USP25: variants seen among roughly 807,000 people sequenced by gnomAD.
USP25 encodes ubiquitin specific peptidase 25, also known as ubiquitin carboxyl-terminal hydrolase 25.
A neutral mutation model predicts 158.5 loss-of-function variants in USP25; 85 were observed. The ratio of observed to expected loss-of-function variants is 0.54; its 90% CI spans 0.45 to 0.64. The LOEUF is 0.64. USP25 is among the 30% of genes least tolerant of loss of function. The pLI is 0.00. For synonymous variants in USP25, 464 were observed against 460.4 expected (o/e 1.01, Z -0.10); for missense variants, 1,242 against 1,327.3 (o/e 0.94, Z 1.00).
intron 14 of USP25, among the ~76,000 whole-genome samples, chr21:15,827,901 C>T (rs2037606231): frequency 6.6e-6 from 1 of 150,602 alleles, no homozygotes; most frequent in African/African-American, 2.4e-5. Flanking sequence ...CTGAACTTTT[C>T]TCTTTCCTAC....
At chr21:15,864,204 T>G in intron 20 of USP25, 64 bp from the exon 21 acceptor site, 2 of 1,445,538 alleles carry the variant, frequency 1.4e-6, no homozygotes, top group Non-Finnish European at 9.4e-7. Context: ...AAACTCATAA[T>G]ATTGAAGGAT....
intron 1 of USP25, 78 bp from the exon 2 acceptor site, chr21:15,762,813 C>G (rs963159117): frequency 1.5e-6 from 2 of 1,338,244 alleles, no homozygotes; most frequent in African/African-American, 1.5e-5. Context: ...TTTGGAAAAC[C>G]AAAGGTGATT....
chr21:15,818,879 C>T (rs1472904521), intron 10 of USP25, 33 bp downstream of exon 10: 2 of 1,608,666 alleles, frequency 1.2e-6, no homozygotes, highest in Middle Eastern at 3.3e-4. Flanking sequence ...CCCCTTTCTT[C>T]CCTAGGTCTT....
intron 1 of USP25, among the ~76,000 whole-genome samples, chr21:15,753,235 G>A (rs1195288782): frequency 6.6e-6 from 1 of 152,136 alleles, no homozygotes; most frequent in Non-Finnish European, 1.5e-5. Context: ...TTCCCCCCCA[G>A]GGTGCTGACT....
At chr21:15,782,169 C>T (rs980214610) in intron 4 of USP25, among the ~76,000 whole-genome samples, 1 of 152,204 alleles carries the variant, frequency 6.6e-6, no homozygotes, top group Non-Finnish European at 1.5e-5. Context: ...CCCATGCGGC[C>T]ACCAGGCTAG....
At position 15,811,204 on chromosome 21, in the gene USP25, C is replaced by G. The variant is rs770379457; in HGVS notation, c.925C>G (p.Leu309Val). Reference protein sequence around the residue: ...FYGRFLAVGVLEGKKFENTEM... With the variant: ...FYGRFLAVGVVEGKKFENTEM... Reference sequence around the variant, plus strand: ...TGGCAGATTCCTGGCTGTGGGAGTACTTGAAGGTAGAGTTATACATTTACT... The same window carrying G: ...TGGCAGATTCCTGGCTGTGGGAGTAGTTGAAGGTAGAGTTATACATTTACT... The change falls in exon 9 of 26, where the codon CTT becomes GTT. Residue 309 changes from leucine (L) to valine (V), a missense_variant. This residue lies in a region of USP25 where 627 missense variants were observed against 701.4 expected (regional missense o/e 0.89). Coordinates refer to ENST00000400183, the MANE Select transcript of USP25 (RefSeq NM_001283041.3). 4 of 1,611,630 alleles carry G rather than the reference C, an allele frequency of 2.5e-6. No individual in the cohort carries two copies. Among genetic ancestry groups the G allele is most frequent in the Non-Finnish European group, 3.4e-6 (4 of 1,178,976 alleles).
chr21:15,762,868 T>A, intron 1 of USP25, 23 bp from the exon 2 acceptor site: 1 of 1,599,262 alleles, frequency 6.3e-7, no homozygotes, highest in Non-Finnish European at 8.5e-7. Context: ...AATATAATGA[T>A]TTTGGGTTTT....
chr21:15,757,340 G>A (rs981616417), intron 1 of USP25, among the ~76,000 whole-genome samples: 3 of 151,830 alleles, frequency 2.0e-5, no homozygotes, highest in Admixed American at 6.6e-5. Context: ...CCTTCTCCCC[G>A]ATCACCAGTT....
At chr21:15,764,053 C>T (rs2033892012) in intron 2 of USP25, among the ~76,000 whole-genome samples, 3 of 152,082 alleles carry the variant, frequency 2.0e-5, no homozygotes, top group Admixed American at 1.3e-4. Flanking sequence ...CCTTATTCCC[C>T]CATCAGGAAA....
rs769823266 is a variant in USP25 at position 15,833,561 on chromosome 21, T to C, written c.2194+13T>C. ...TCTGTGACAACAGGTTTGTCCATTT[T>C]TATTAAGTTGTGTTTGATTATCAAT... On this transcript the variant is annotated intron_variant, in intron 17 of 25. Transcript: ENST00000400183. 1 of 1,605,776 alleles carries C rather than the reference T, an allele frequency of 6.2e-7. No homozygotes were observed. Among genetic ancestry groups the C allele is most frequent in the Admixed American group, 1.7e-5 (1 of 59,102 alleles).
intron 17 of USP25, among the ~76,000 whole-genome samples, chr21:15,834,324 G>A (rs544590682): frequency 6.6e-6 from 1 of 152,144 alleles, no homozygotes; most frequent in South Asian, 2.1e-4. Context: ...AGGGCAACAT[G>A]TTTTCTGGTA....
chr21:15,868,691 T>A (rs1393215724), intron 22 of USP25, among the ~76,000 whole-genome samples: 1 of 152,200 alleles, frequency 6.6e-6, no homozygotes, highest in East Asian at 1.9e-4. Flanking sequence ...GCCATTTGTA[T>A]ACATATTGTC....
rs906651390 is a variant in USP25 at position 15,833,357 on chromosome 21, A to T, written c.2003A>T (p.Asn668Ile). The T allele has an allele frequency of 1.2e-6, 2 of 1,612,196 alleles. No homozygotes were observed. The highest frequency in any genetic ancestry group is 1.3e-5 in the African/African-American group (1 of 74,908). ...GAAATATGATTTGCAGAGGAGTTTA[A>T]TAAAGAAACTGGGCAGCCCCTTGTT... is the stretch of plus-strand genomic sequence containing the variant. ...KAQFLIQEEF[N>I]KETGQPLVGI... is the part of the protein sequence containing the mutation. The change falls in exon 17 of 26, where the codon AAT becomes ATT. Residue 668 changes from asparagine (N) to isoleucine (I), a missense_variant. This residue lies in a region of USP25 where 608 missense variants were observed against 605.2 expected (regional missense o/e 1.00). Transcript: ENST00000400183.
intron 21 of USP25, among the ~76,000 whole-genome samples, chr21:15,865,931 A>G (rs541721581): frequency 6.6e-6 from 1 of 152,246 alleles, no homozygotes; most frequent in South Asian, 2.1e-4. Flanking sequence ...AAGAAGATGC[A>G]GTGTCTCTTG....
intron 20 of USP25, among the ~76,000 whole-genome samples, chr21:15,851,177 A>G (rs1392899897): frequency 6.7e-6 from 1 of 150,318 alleles, no homozygotes; most frequent in African/African-American, 2.4e-5. Context: ...AAAGTTATTT[A>G]TGATTTACAG....
At chr21:15,764,112 A>C (rs185879479) in intron 2 of USP25, among the ~76,000 whole-genome samples, 1 of 152,164 alleles carries the variant, frequency 6.6e-6, no homozygotes. Context: ...GTATGAAGCC[A>C]CTGTAAGTAT....
chr21:15,766,090 G>A lies in USP25; in HGVS notation c.217G>A (p.Ala73Thr), dbSNP rs754622709. 8 of 1,610,392 alleles carry A rather than the reference G, an allele frequency of 5.0e-6. No homozygotes were observed. The highest frequency in any genetic ancestry group is 4.5e-5 in the East Asian group (2 of 44,706). ...QQEETTYYQT[A>T]LPGNDRYISV... The stretch of plus-strand genomic sequence containing the variant: ...GGAGGAGACAACTTACTACCAAACA[G>A]CACTTCCTGGCAATGATAGATACAT... The change falls in exon 3 of 26, where the codon GCA (alanine) becomes ACA (threonine). Residue 73 changes from alanine to threonine, a missense_variant. By Grantham distance (58) the Ala-to-Thr change is moderately conservative. Transcript: ENST00000400183. The surrounding 1 kb of genome is among the most constrained non-coding windows in gnomAD (Gnocchi z 4.0).
In USP25 at chr21:15,874,435, C is replaced by G; in HGVS notation, c.2918C>G (p.Ala973Gly). 1 of 1,609,640 alleles carries G rather than the reference C, an allele frequency of 6.2e-7. No individual in the cohort carries two copies. Among genetic ancestry groups the G allele is most frequent in the Non-Finnish European group, 8.5e-7 (1 of 1,177,188 alleles). Residue 973 changes from alanine to glycine, a missense_variant, in exon 24 of 26, where the codon GCT (alanine) becomes GGT (glycine). Around this residue, in one of 3 missense-constraint regions of USP25, gnomAD observed 608 missense variants for 605.2 expected, o/e 1.00. Transcript: ENST00000400183. ...YIDSLLFLIC[A>G]YQNNKELLSK... is the part of the protein sequence containing the mutation. ...GATTCCTTGCTGTTCCTCATCTGTG[C>G]TTATCAGAATAACAAAGAACTCTTG...
rs1288544841 is a variant in USP25, at chr21:15,766,691, A to G, written c.268+550A>G. On this transcript the variant is annotated intron_variant, in intron 3 of 25. Coordinates refer to ENST00000400183, the MANE Select transcript of USP25 (RefSeq NM_001283041.3). This position sits in a 1 kb window ranked among gnomAD's most constrained non-coding sequence, Gnocchi z 4.0. ...CAAATACGTACATGTGGAAGATTCTATGTGGGACTTAAGTTTTTCTTCATA... is the reference window on the plus strand; with the variant it reads ...CAAATACGTACATGTGGAAGATTCTGTGTGGGACTTAAGTTTTTCTTCATA... 6.6e-6 allele frequency among the ~76,000 whole-genome samples: 1 copy of G among 152,070 alleles called. No homozygotes were observed. The highest frequency in any genetic ancestry group is 2.4e-5 in the African/African-American group (1 of 41,444).
Sources: gnomAD v4.1 joint callset for allele counts (sites outside exome capture counted in the v4.1 genomes callset) on GRCh38, gnomAD v4.1.1 for gene constraint, gnomAD v4.1.1 regional missense constraint, Gnocchi (gnomAD v3.1) non-coding constraint, MANE v1.5 for transcripts, NCBI Gene and HGNC (gene_info 2026-07-23, HGNC 2026-07-21) for gene names.